Variants in NAV3 observed in about 807,000 individuals in gnomAD.
NAV3 encodes pore membrane and/or filament interacting like protein 1.
In NAV3, 87 loss-of-function variants were observed where a neutral mutation model predicts 244.7. The ratio of observed to expected loss-of-function variants is 0.36; its 90% CI spans 0.30 to 0.42. The LOEUF (loss-of-function observed/expected upper bound fraction) is 0.42. NAV3 is among the 20% of genes least tolerant of loss of function. The pLI, the probability that NAV3 is intolerant of heterozygous loss-of-function variation, is 1.00. For synonymous variants in NAV3, 1,126 were observed against 1,042.2 expected (o/e 1.08, Z -1.55); for missense variants, 2,663 against 2,893.3 (o/e 0.92, Z 1.83).
At chr12:77,674,764 A>G (rs1174987953) in intron 2 of NAV3, among the ~76,000 whole-genome samples, 1 of 152,198 alleles carries the variant, frequency 6.6e-6, no homozygotes, top group Non-Finnish European at 1.5e-5. Flanking sequence ...TTCAATTATT[A>G]TTCATTGAAT....
chr12:77,833,814 G>A (rs1219056118), intron 1 of NAV3, among the ~76,000 whole-genome samples: 1 of 152,132 alleles, frequency 6.6e-6, no homozygotes, highest in African/African-American at 2.4e-5. Context: ...GCGGAAAGGT[G>A]ATTTTCCTCT....
intron 4 of NAV3, among the ~76,000 whole-genome samples, chr12:77,967,576 C>A (rs1892630206): frequency 1.3e-5 from 2 of 152,108 alleles, no homozygotes; most frequent in Non-Finnish European, 1.5e-5. Context: ...AAACCTTAAT[C>A]TCAGAGGAGG....
At chr12:78,159,338 G>A (rs747416948) in intron 23 of NAV3, 52 bp downstream of exon 23, 67 of 1,451,550 alleles carry the variant, frequency 4.6e-5, no homozygotes, top group Non-Finnish European at 5.5e-5. Flanking sequence ...AAATTGCATA[G>A]GATTCTTAAA....
chr12:77,714,406 C>T (rs1309460611), intron 2 of NAV3, among the ~76,000 whole-genome samples: 1 of 152,088 alleles, frequency 6.6e-6, no homozygotes, highest in African/African-American at 2.4e-5. Context: ...TGTACAGAAT[C>T]ATAGGTTAAT....
At chr12:78,163,340 A>G (rs1957645526) in intron 23 of NAV3, among the ~76,000 whole-genome samples, 1 of 152,114 alleles carries the variant, frequency 6.6e-6, no homozygotes. Flanking sequence ...GTGTGGCAGA[A>G]CACTGGTTTT....
intron 1 of NAV3, among the ~76,000 whole-genome samples, chr12:77,872,170 G>T (rs1380720007): frequency 6.6e-6 from 1 of 151,594 alleles, no homozygotes; most frequent in Non-Finnish European, 1.5e-5. Context: ...TAAGTTCTTT[G>T]TAACAAATTT....
At chr12:78,101,596 C>T (rs1002294054) in intron 12 of NAV3, among the ~76,000 whole-genome samples, 1 of 152,024 alleles carries the variant, frequency 6.6e-6, no homozygotes, top group Admixed American at 6.6e-5. Context: ...TGCTTTTCTT[C>T]ATGGTAATAA....
intron 7 of NAV3, among the ~76,000 whole-genome samples, chr12:78,000,308 C>T (rs1359166818): frequency 6.6e-6 from 1 of 151,798 alleles, no homozygotes; most frequent in Non-Finnish European, 1.5e-5. Context: ...AGTTTTCATA[C>T]GATATAATAA....
intron 2 of NAV3, among the ~76,000 whole-genome samples, chr12:77,723,229 T>C (rs992248066): frequency 6.6e-6 from 1 of 151,898 alleles, no homozygotes; most frequent in African/African-American, 2.4e-5. Context: ...CCTCTTTCCT[T>C]TACTAAGCCC....
intron 2 of NAV3, among the ~76,000 whole-genome samples, chr12:77,752,273 T>C (rs778958756): frequency 2.0e-5 from 3 of 152,174 alleles, no homozygotes; most frequent in Non-Finnish European, 4.4e-5. Flanking sequence ...AAACATACTC[T>C]GTTTTGACAT....
chr12:77,802,668 T>C (rs1483971567), intron 2 of NAV3, among the ~76,000 whole-genome samples: 10 of 152,190 alleles, frequency 6.6e-5, no homozygotes, highest in Non-Finnish European at 1.2e-4. Flanking sequence ...TCCACCTAGC[T>C]TTTTTTCTTT....
At chr12:77,707,759 T>C (rs138556513) in intron 2 of NAV3, among the ~76,000 whole-genome samples, 8,413 of 152,280 alleles carry the variant, frequency 0.055, 532 homozygotes, top group African/African-American at 0.16. Context: ...CCATTTTAAC[T>C]GGTGTGAGAT....
At chr12:77,975,146 T>A in intron 5 of NAV3, among the ~76,000 whole-genome samples, 1 of 152,324 alleles carries the variant, frequency 6.6e-6, no homozygotes, top group East Asian at 1.9e-4. Flanking sequence ...TAGTTTAGAT[T>A]TTTTTAATTA....
chr12:77,654,146 C>T (rs1020978352), intron 2 of NAV3, among the ~76,000 whole-genome samples: 58 of 152,228 alleles, frequency 3.8e-4, no homozygotes, highest in Admixed American at 3.2e-3. Context: ...CGAAGCAGGG[C>T]GAGGCATTGC....
At chr12:77,720,653 C>T (rs1274674238) in intron 2 of NAV3, among the ~76,000 whole-genome samples, 2 of 152,110 alleles carry the variant, frequency 1.3e-5, no homozygotes, top group African/African-American at 2.4e-5. Context: ...AATTCTTTCC[C>T]TCTCTAGGAA....
At chr12:77,833,995 A>C (rs1874180971) in intron 1 of NAV3, among the ~76,000 whole-genome samples, 1 of 150,112 alleles carries the variant, frequency 6.7e-6, no homozygotes, top group Non-Finnish European at 1.5e-5. Flanking sequence ...GTTCCTTTCG[A>C]CGTCCAGCCG....
chr12:77,824,127 A>G (rs934419431), intron 2 of NAV3, among the ~76,000 whole-genome samples: 3 of 151,972 alleles, frequency 2.0e-5, no homozygotes, highest in Non-Finnish European at 4.4e-5. Flanking sequence ...AGGCTGGAGT[A>G]TAGTGGCACA....
At position 77,761,154 on chromosome 12, in the gene NAV3, G is replaced by A. The variant is rs11106588; in HGVS notation, c.73-179165G>A. Reference sequence around the variant, plus strand: ...GCTCACTGCAACCTCCGCCTCCCACGTTCAAGCGATTCTCCTGCCTCAGCC... The same window carrying A: ...GCTCACTGCAACCTCCGCCTCCCACATTCAAGCGATTCTCCTGCCTCAGCC... On this transcript the variant is annotated intron_variant, in intron 2 of 8. Coordinates refer to the NAV3 transcript ENST00000550042. Among the ~76,000 whole-genome samples the A allele has an allele frequency of 3.0e-3, 461 of 152,250 alleles. 3 individuals are homozygous for A. The highest frequency in any genetic ancestry group is 0.01 in the African/African-American group (432 of 41,540).
chr12:77,996,892 G>A (rs1330473453), intron 6 of NAV3, among the ~76,000 whole-genome samples: 3 of 152,144 alleles, frequency 2.0e-5, no homozygotes, highest in East Asian at 1.9e-4. Context: ...CATGGTGGCA[G>A]CAAATACTAA....
Sources: gnomAD v4.1 joint callset for allele counts (sites outside exome capture counted in the v4.1 genomes callset) on GRCh38, gnomAD v4.1.1 for gene constraint, MANE v1.5 for transcripts, NCBI Gene and HGNC (gene_info 2026-07-23, HGNC 2026-07-21) for gene names.